The following CYTH4 variants were observed in gnomAD, a reference collection of about 807,000 sequenced individuals.
CYTH4 encodes cytohesin 4, also known as cytohesin-4.
Under a neutral mutation model 57.5 loss-of-function variants are expected in CYTH4, and 22 were observed. The ratio of observed to expected loss-of-function variants is 0.38; its 90% confidence interval spans 0.27 to 0.55. The LOEUF is 0.55. CYTH4 is among the 20% of genes least tolerant of loss of function. CYTH4 has a pLI of 0.74. For synonymous variants in CYTH4, 186 were observed against 206.5 expected (o/e 0.90, Z 0.85); for missense variants, 420 against 535.6 (o/e 0.78, Z 2.13).
intron 8 of CYTH4, among the ~76,000 whole-genome samples, chr22:37,308,999 GGGGTGGCA>G (rs2145870150): frequency 6.6e-6 from 1 of 152,206 alleles, no homozygotes; most frequent in Non-Finnish European, 1.5e-5. Flanking sequence ...GCGGGGTGGC[GGGGTGGCA>G]GGGTGGCAAG....
chr22:37,310,174 T>TCCACA, intron 9 of CYTH4: 1 of 340,294 alleles, frequency 2.9e-6, no homozygotes, highest in Non-Finnish European at 6.2e-6. Context: ...CCTCTGACTC[T>TCCACA]CCACACCACA....
intron 1 of CYTH4, among the ~76,000 whole-genome samples, chr22:37,285,552 C>CA (rs777287770): frequency 2.8e-4 from 42 of 150,516 alleles, no homozygotes; most frequent in East Asian, 3.9e-4. Context: ...ACTAAAAATA[C>CA]AAAAAAAAAT....
At chr22:37,301,463 CA>C (rs1929179305) in intron 7 of CYTH4, among the ~76,000 whole-genome samples, 1 of 151,994 alleles carries the variant, frequency 6.6e-6, no homozygotes, top group African/African-American at 2.4e-5. Flanking sequence ...GTGTAGGGGG[CA>C]AAAGGGGCAT....
At chr22:37,307,267 T>C (rs1929433406) in intron 8 of CYTH4, among the ~76,000 whole-genome samples, 1 of 152,226 alleles carries the variant, frequency 6.6e-6, no homozygotes. Context: ...TACAGGCTGA[T>C]ACAGTGACCG....
chr22:37,303,447 G>T, intron 8 of CYTH4, 45 bp downstream of exon 8: 1 of 1,592,548 alleles, frequency 6.3e-7, no homozygotes. Context: ...GGGAATCCAG[G>T]AGGGACCTGT....
chr22:37,290,094 C>T (rs551221776), intron 1 of CYTH4, among the ~76,000 whole-genome samples: 11 of 152,278 alleles, frequency 7.2e-5, no homozygotes, highest in South Asian at 4.1e-4. Context: ...CAAGTACCAG[C>T]GATGTCCATT....
In CYTH4 at chr22:37,295,732, C is replaced by T. The variant is rs1484562502; in HGVS notation, c.168-267C>T. Reference sequence around the variant, plus strand: ...CCCGGTTTCTTGCACAGGGCCCCTCCACCTTCTCCCACACGGCAGCTCCGG... The same window carrying T: ...CCCGGTTTCTTGCACAGGGCCCCTCTACCTTCTCCCACACGGCAGCTCCGG... On this transcript the variant is annotated intron_variant, in intron 3 of 12. Coordinates refer to ENST00000248901, the MANE Select transcript of CYTH4 (RefSeq NM_013385.5). This position sits in a 1 kb window ranked among gnomAD's most constrained non-coding sequence, Gnocchi z 4.1. 6.6e-6 allele frequency among the ~76,000 whole-genome samples: 1 copy of T among 152,258 alleles called. No individual in the cohort carries two copies. The highest frequency in any genetic ancestry group is 1.9e-4 in the East Asian group (1 of 5,192).
In CYTH4 at chr22:37,302,501, C is replaced by T. The variant is rs981906899; in HGVS notation, c.548-753C>T. Among the ~76,000 whole-genome samples the T allele has an allele frequency of 3.3e-5, 5 of 152,214 alleles. No individual in the cohort carries two copies. The South Asian group carries it at 8.3e-4, about 25-fold the overall frequency. ...CTTAGCACAGGGCAAGCACCAACAA[C>T]GCTCGGTGCCACTGCTATCAGAGAT... is the stretch of plus-strand genomic sequence containing the variant. On this transcript the variant is annotated intron_variant, in intron 7 of 12. Transcript: ENST00000248901.
chr22:37,308,570 GTA>G (rs1257156568), intron 8 of CYTH4, among the ~76,000 whole-genome samples: 2 of 151,990 alleles, frequency 1.3e-5, no homozygotes, highest in East Asian at 1.9e-4. Context: ...GTGTATACAT[GTA>G]TGTGTGAGCG....
At chr22:37,307,877 G>C (rs1929458546) in intron 8 of CYTH4, among the ~76,000 whole-genome samples, 1 of 152,218 alleles carries the variant, frequency 6.6e-6, no homozygotes, top group African/African-American at 2.4e-5. Flanking sequence ...ACACAGGGGT[G>C]ATCTGGCACC....
chr22:37,302,850 T>G (rs1329562320), intron 7 of CYTH4, among the ~76,000 whole-genome samples: 1 of 151,962 alleles, frequency 6.6e-6, no homozygotes, highest in South Asian at 2.1e-4. Flanking sequence ...CCCTGAACAG[T>G]GCCGCTAACA....
At chr22:37,307,937 T>A (rs1929460519) in intron 8 of CYTH4, among the ~76,000 whole-genome samples, 1 of 152,098 alleles carries the variant, frequency 6.6e-6, no homozygotes, top group African/African-American at 2.4e-5. Context: ...CTTACTTACC[T>A]CCAGTGACAA....
Position 37,303,327 on chromosome 22 carries a change from G to A in CYTH4, c.621G>A (p.Arg207=), listed in dbSNP as rs754755137. 46 of 1,614,052 alleles carry A rather than the reference G, an allele frequency of 2.8e-5. No homozygotes were observed. The South Asian group carries it at 4.9e-4, about 17-fold the overall frequency. Reference sequence around the variant, plus strand: ...TCCACAATCCCAACGTCCGGGACAGGCCGCCTTTTGAGCGCTTTGTGTCCA... The same window carrying A: ...TCCACAATCCCAACGTCCGGGACAGACCGCCTTTTGAGCGCTTTGTGTCCA... ...TSLHNPNVRD[R]PPFERFVSMN... The change falls in exon 8 of 13, where the codon AGG becomes AGA. Residue 207 remains arginine (R), a synonymous_variant. Coordinates refer to ENST00000248901, the MANE Select transcript of CYTH4 (RefSeq NM_013385.5).
chr22:37,309,443 T>C (rs530358144), intron 9 of CYTH4, 120 bp downstream of exon 9: 1 of 877,466 alleles, frequency 1.1e-6, no homozygotes. Flanking sequence ...ACATGCATCC[T>C]GGGGGATGGA....
intron 2 of CYTH4, among the ~76,000 whole-genome samples, chr22:37,293,725 C>A (rs1293021022): frequency 6.6e-6 from 1 of 152,110 alleles, no homozygotes; most frequent in African/African-American, 2.4e-5. Context: ...CGGCCAGAGG[C>A]TCATGCTGGT....
intron 6 of CYTH4, 144 bp from the exon 7 acceptor site, chr22:37,300,763 C>T: frequency 1.5e-6 from 1 of 671,890 alleles, no homozygotes; most frequent in Non-Finnish European, 2.5e-6. Context: ...GGTGCCCATC[C>T]CACTTCCCCG....
chr22:37,291,089 G>A (rs1928732592), intron 1 of CYTH4, among the ~76,000 whole-genome samples: 1 of 152,220 alleles, frequency 6.6e-6, no homozygotes, highest in African/African-American at 2.4e-5. Context: ...TGTGAGGCAA[G>A]GGTTATGGTT....
At chr22:37,303,758 G>A (rs1183809079) in intron 8 of CYTH4, among the ~76,000 whole-genome samples, 6 of 152,168 alleles carry the variant, frequency 3.9e-5, no homozygotes, top group Non-Finnish European at 7.3e-5. Context: ...ATTCTTAGAC[G>A]CTCAGCATGT....
intron 8 of CYTH4, among the ~76,000 whole-genome samples, chr22:37,304,593 C>T (rs1371018089): frequency 2.0e-5 from 3 of 152,152 alleles, no homozygotes; most frequent in Non-Finnish European, 4.4e-5. Flanking sequence ...CCTCCTGCCT[C>T]CAAGGCTGGG....
Sources: gnomAD v4.1 joint callset for allele counts (sites outside exome capture counted in the v4.1 genomes callset) on GRCh38, gnomAD v4.1.1 for gene constraint, Gnocchi (gnomAD v3.1) non-coding constraint, MANE v1.5 for transcripts, NCBI Gene and HGNC (gene_info 2026-07-23, HGNC 2026-07-21) for gene names.